Variants in NDUFS2 observed in about 807,000 individuals in gnomAD.
NDUFS2 encodes NADH:ubiquinone oxidoreductase core subunit S2.
In NDUFS2, 38 loss-of-function variants were observed where a neutral mutation model predicts 69.6. That is an observed-to-expected ratio of 0.55 (90% CI 0.42 to 0.72). NDUFS2 has a LOEUF of 0.72. NDUFS2 is among the 30% of genes least tolerant of loss of function. NDUFS2 has a pLI of 0.00. For missense variants in NDUFS2, 468 were observed against 595.0 expected, an observed-to-expected ratio of 0.79 and a Z score of 2.22; for synonymous variants, 194 against 211.2, an observed-to-expected ratio of 0.92 and a Z score of 0.70.
intron 10 of NDUFS2, among the ~76,000 whole-genome samples, chr1:161,212,841 C>T (rs185815105): frequency 6.6e-6 from 1 of 152,204 alleles, no homozygotes; most frequent in Admixed American, 6.5e-5. Flanking sequence ...GCGTGAGCCA[C>T]CACACCCAAC....
At chr1:161,202,339 GT>G, upstream of NDUFS2, 1 of 1,566,060 alleles carries the variant, frequency 6.4e-7, no homozygotes, top group South Asian at 1.2e-5. Flanking sequence ...GCGCGCTGGA[GT>G]TACTTCCGCC....
chr1:161,204,230 T>G (rs964374602), intron 2 of NDUFS2, among the ~76,000 whole-genome samples: 4 of 152,182 alleles, frequency 2.6e-5, no homozygotes, highest in Non-Finnish European at 5.9e-5. Flanking sequence ...AAACCATTTT[T>G]TTTCCTATCA....
intron 2 of NDUFS2, among the ~76,000 whole-genome samples, chr1:161,204,095 A>G (rs1307466163): frequency 6.6e-6 from 1 of 152,238 alleles, no homozygotes; most frequent in African/African-American, 2.4e-5. Context: ...AAAAGTCCCT[A>G]CCAATTTAAA....
intron 11 of NDUFS2, 49 bp downstream of exon 11, chr1:161,213,524 AAGAT>A (rs1558087209): frequency 6.4e-7 from 1 of 1,553,334 alleles, no homozygotes; most frequent in South Asian, 1.1e-5. Context: ...TAGGTAGCTA[AAGAT>A]AGATGTTTAA....
chr1:161,207,005 C>T (rs548125740), intron 3 of NDUFS2, among the ~76,000 whole-genome samples: 2 of 152,258 alleles, frequency 1.3e-5, no homozygotes, highest in Admixed American at 6.5e-5. Flanking sequence ...CGTTTGTTTT[C>T]AAAACATTCA....
chr1:161,202,836 G>T (rs867240106), intron 1 of NDUFS2, among the ~76,000 whole-genome samples: 6 of 152,150 alleles, frequency 3.9e-5, no homozygotes, highest in African/African-American at 1.4e-4. Flanking sequence ...TATTCACCTG[G>T]TTGATAATAT....
At chr1:161,209,964 GC>G (rs764289356) in intron 6 of NDUFS2, 33 bp downstream of exon 6, 1 of 1,613,160 alleles carries the variant, frequency 6.2e-7, no homozygotes, top group Non-Finnish European at 8.5e-7. Context: ...CAAATGTCCA[GC>G]CCAGGCCTAT....
chr1:161,203,302 G>T, intron 1 of NDUFS2, 135 bp from the exon 2 acceptor site: 1 of 750,272 alleles, frequency 1.3e-6, no homozygotes, highest in Non-Finnish European at 2.3e-6. Flanking sequence ...GTGAAACCCA[G>T]TCTCAAAAAA....
chr1:161,213,483 G>A lies in NDUFS2; in HGVS notation c.1212+8G>A, dbSNP rs749926320. The A allele has an allele frequency of 6.2e-7, 1 of 1,606,638 alleles. No individual in the cohort carries two copies. Among genetic ancestry groups the A allele is most frequent in the Non-Finnish European group, 8.5e-7 (1 of 1,174,410 alleles). ...GCCATTGAGGCTCCCAAGGTAAGGA[G>A]AGGAGGGGAAGGAAAAGACCATATG... On this transcript the variant is annotated splice_region_variant and intron_variant, in intron 11 of 13. Transcript: ENST00000676972.
At chr1:161,201,324 T>G (rs1236920912), upstream of NDUFS2, among the ~76,000 whole-genome samples, 1 of 152,230 alleles carries the variant, frequency 6.6e-6, no homozygotes, top group African/African-American at 2.4e-5. Context: ...CTCACCCTGC[T>G]GCGCTGCTGG....
At position 161,213,482 on chromosome 1, in the gene NDUFS2, A is replaced by G. The variant is rs36233987; in HGVS notation, c.1212+7A>G. Reference sequence around the variant, plus strand: ...TGCCATTGAGGCTCCCAAGGTAAGGAGAGGAGGGGAAGGAAAAGACCATAT... The same window carrying G: ...TGCCATTGAGGCTCCCAAGGTAAGGGGAGGAGGGGAAGGAAAAGACCATAT... On this transcript the variant is annotated splice_region_variant and intron_variant, in intron 11 of 13. Transcript: ENST00000676972. 1.0e-3 allele frequency: 1,678 copies of G among 1,606,158 alleles called. 14 individuals carry two copies. In the African/African-American group the frequency reaches 0.019, roughly 19 times the overall value.
At chr1:161,200,014 AG>A (rs1414777620), upstream of NDUFS2, among the ~76,000 whole-genome samples, 4 of 151,462 alleles carry the variant, frequency 2.6e-5, no homozygotes, top group Non-Finnish European at 5.9e-5. Context: ...GCCAGCCCCC[AG>A]CATAGGCAAG....
chr1:161,211,990 A>C (rs1665791246), intron 9 of NDUFS2, among the ~76,000 whole-genome samples: 1 of 152,088 alleles, frequency 6.6e-6, no homozygotes, highest in Non-Finnish European at 1.5e-5. Flanking sequence ...CAAAGCAGGC[A>C]GTCGCTTGAG....
Position 161,214,160 on chromosome 1 carries a change from C to CT in NDUFS2, c.1359_1360insT (p.Gln454SerfsTer62). 1 of 1,613,842 alleles carries CT rather than the reference C, an allele frequency of 6.2e-7. No individual in the cohort carries two copies. Among genetic ancestry groups the CT allele is most frequent in the Non-Finnish European group, 8.5e-7 (1 of 1,179,916 alleles). Reference sequence around the variant, plus strand: ...TTCCTCCATCCTCTCACCTAGGTACCCAAGATATTGTATTTGGAGAAGTAG... The same window carrying CT: ...TTCCTCCATCCTCTCACCTAGGTACCTCAAGATATTGTATTTGGAGAAGTAG... On this transcript the variant is annotated frameshift_variant, in exon 14 of 14. Transcript: ENST00000676972. LOFTEE classifies it high-confidence loss of function.
intron 9 of NDUFS2, 121 bp from the exon 10 acceptor site, chr1:161,212,230 C>A: frequency 1.6e-6 from 2 of 1,265,812 alleles, no homozygotes; most frequent in African/African-American, 1.5e-5. Flanking sequence ...AGATGCTGTA[C>A]TTGGAGAAAA....
chr1:161,206,904 C>T (rs1571609638), intron 3 of NDUFS2, among the ~76,000 whole-genome samples: 1 of 152,138 alleles, frequency 6.6e-6, no homozygotes, highest in South Asian at 2.1e-4. Context: ...TAGACTAGTG[C>T]GTCAAAGCCA....
At chr1:161,210,517 G>A in intron 8 of NDUFS2, 74 bp from the exon 9 acceptor site, 1 of 1,610,326 alleles carries the variant, frequency 6.2e-7, no homozygotes, top group Non-Finnish European at 8.5e-7. Flanking sequence ...GATCAACAAG[G>A]GAGGCTAAGG....
chr1:161,206,719 A>G, intron 3 of NDUFS2, 122 bp downstream of exon 3: 2 of 1,049,228 alleles, frequency 1.9e-6, no homozygotes, highest in East Asian at 2.6e-5. Context: ...ACCCGTTGAG[A>G]TTACTCTTGG....
chr1:161,198,603 C>A, upstream of NDUFS2: 5 of 1,536,724 alleles, frequency 3.3e-6, no homozygotes, highest in Non-Finnish European at 4.4e-6. This position sits in a 1 kb window ranked among gnomAD's most constrained non-coding sequence, Gnocchi z 4.7. Flanking sequence ...AAGCCCCTCC[C>A]GGGATGCGAG....
Sources: allele counts gnomAD v4.1 joint callset (sites outside exome capture counted in the v4.1 genomes callset), GRCh38; gene constraint gnomAD v4.1.1; non-coding constraint Gnocchi (gnomAD v3.1); transcripts MANE v1.5; gene names NCBI Gene and HGNC (gene_info 2026-07-23, HGNC 2026-07-21).